Variants in SLC12A7 observed in about 807,000 individuals in gnomAD.
SLC12A7 encodes K-Cl cotransporter 4.
A neutral mutation model predicts 120.6 loss-of-function variants in SLC12A7; 100 were observed. The observed-to-expected ratio is 0.83, with a 90% confidence interval of 0.71 to 0.98. The LOEUF is 0.98. Among genes scored for constraint, SLC12A7 ranks in the 50% least tolerant of loss-of-function variants. SLC12A7 has a pLI of 0.00. For missense variants in SLC12A7, 1,373 were observed against 1,548.1 expected, an observed-to-expected ratio of 0.89 and a Z score of 1.90; for synonymous variants, 760 against 678.0, an observed-to-expected ratio of 1.12 and a Z score of -1.88.
At chr5:1,052,559 G>T in intron 23 of SLC12A7, 108 bp from the exon 24 acceptor site, 2 of 898,660 alleles carry the variant, frequency 2.2e-6, no homozygotes, top group South Asian at 1.5e-5. Context: ...GATTTGGTTT[G>T]AGAAACCCAG....
chr5:1,078,819 GGGGT>G, intron 10 of SLC12A7, 61 bp from the exon 11 acceptor site: 3 of 628,918 alleles, frequency 4.8e-6, no homozygotes, highest in East Asian at 2.8e-5. Flanking sequence ...TACGGGGGGT[GGGGT>G]GGGGTGGGGT....
Position 1,096,890 on chromosome 5 carries a change from AAAGGAGGGAGGGAGGAAGGGAGGGAAGG to A in SLC12A7, c.125-2670_125-2643del, listed in dbSNP as rs1561098686. 3.9e-5 allele frequency among the ~76,000 whole-genome samples: 4 copies of A among 102,782 alleles called. No individual in the cohort carries two copies. The South Asian group carries it at 1.7e-3, about 43-fold the overall frequency. The allele number at this position is 102,782 out of a possible 152,430, so 67.4% of individuals were successfully genotyped here. A position where few individuals can be genotyped will look rare whatever the true frequency, so the allele number is the denominator to read the frequency against. On this transcript the variant is annotated intron_variant, in intron 1 of 23. Transcript: ENST00000264930. ...GAAGGGAGGGAGGGAGGGAAGGAAG[AAAGGAGGGAGGGAGGAAGGGAGGGAAGG>A]AAGGAGGGAGGGAGGGAGAGACCCG...
intron 3 of SLC12A7, among the ~76,000 whole-genome samples, chr5:1,090,311 G>T (rs1473544379): frequency 1.3e-5 from 2 of 152,220 alleles, no homozygotes; most frequent in East Asian, 3.9e-4. Context: ...GAAAAATAAT[G>T]TAAGAGCAGC....
the SLC12A7 span, among the ~76,000 whole-genome samples, chr5:1,155,895 G>A: frequency 3.3e-5 from 5 of 151,454 alleles, no homozygotes; most frequent in African/African-American, 9.7e-5. Flanking sequence ...GGGGAGCGGG[G>A]ACCTGAGCGC....
rs73731141 is a variant in SLC12A7, at chr5:1,052,510, C to T, written c.3161-59G>A. 6,271 of 1,410,526 alleles carry T rather than the reference C, an allele frequency of 4.4e-3. 151 individuals carry two copies. In the African/African-American group the frequency reaches 0.066, roughly 15 times the overall value. 87.4% of individuals were successfully genotyped at this position (1,410,526 alleles called of 1,614,324 possible). A position where few individuals can be genotyped will look rare whatever the true frequency, so the allele number is the denominator to read the frequency against. ...TTACCTGAGCGTGTGTAGCTGAAAT[C>T]GTGATAGGAGTGAGGTTTATCCTCT... is the stretch of plus-strand genomic sequence containing the variant. On this transcript the variant is annotated intron_variant, in intron 23 of 23. Transcript: ENST00000264930.
chr5:1,114,979 C>T (rs79783624), upstream of SLC12A7, among the ~76,000 whole-genome samples: 1 of 152,206 alleles, frequency 6.6e-6, no homozygotes, highest in African/African-American at 2.4e-5. Context: ...GTGCCTCTCC[C>T]TCATTTGTCA....
chr5:1,110,062 C>A (rs77323839), intron 1 of SLC12A7, among the ~76,000 whole-genome samples: 15,445 of 152,310 alleles, frequency 0.1, 1,037 homozygotes, highest in Non-Finnish European at 0.15. Context: ...CACGGGACTC[C>A]TCGCCGCACC....
chr5:1,108,930 C>T (rs889204427), intron 1 of SLC12A7, among the ~76,000 whole-genome samples: 6 of 152,160 alleles, frequency 3.9e-5, no homozygotes, highest in East Asian at 3.9e-4. Flanking sequence ...CCTGGACAAC[C>T]GACACGAGCT....
intron 17 of SLC12A7, among the ~76,000 whole-genome samples, chr5:1,067,574 C>G (rs779400124): frequency 6.6e-6 from 1 of 152,252 alleles, no homozygotes; most frequent in Non-Finnish European, 1.5e-5. Flanking sequence ...TTGGATGCAG[C>G]CACTGGAGGG....
At chr5:1,122,317 C>G in the SLC12A7 span, among the ~76,000 whole-genome samples, 1 of 152,092 alleles carries the variant, frequency 6.6e-6, no homozygotes, top group African/African-American at 2.4e-5. Context: ...CACCAGAATC[C>G]GGGCAGTGGG....
upstream of SLC12A7, among the ~76,000 whole-genome samples, chr5:1,115,677 C>G (rs930697489): frequency 6.6e-6 from 1 of 152,114 alleles, no homozygotes; most frequent in South Asian, 2.1e-4. Flanking sequence ...TGGAGGAGGC[C>G]GGCCCTGGAG....
Position 1,074,602 on chromosome 5 carries a change from G to C in SLC12A7, c.2037C>G (p.Arg679=), listed in dbSNP as rs375225666. Residue 679 remains arginine, a synonymous_variant, in exon 16 of 24, where the codon CGC becomes CGG. Transcript: ENST00000264930. ...SLNAARYALL[R]VEHGPPHTKN... ...TGGTGTGGGGGGGACCGTGCTCCAC[G>C]CGCAGCAGGGCGTAGCGGGCGGCGT... 20 of 1,612,762 alleles carry C rather than the reference G, an allele frequency of 1.2e-5. No homozygotes were observed. The South Asian group carries it at 2.1e-4, about 17-fold the overall frequency.
At chr5:1,140,530 A>G in the SLC12A7 span, among the ~76,000 whole-genome samples, 19 of 152,066 alleles carry the variant, frequency 1.2e-4, no homozygotes, top group Non-Finnish European at 2.6e-4. Flanking sequence ...TCCCCTCCCC[A>G]CAGCTGTCCC....
chr5:1,064,104 G>C lies in SLC12A7; in HGVS notation c.2586C>G (p.Pro862=). 1.2e-6 allele frequency: 2 copies of C among 1,608,784 alleles called. No individual in the cohort carries two copies. The highest frequency in any genetic ancestry group is 1.7e-6 in the Non-Finnish European group (2 of 1,177,368). Reference sequence around the variant, plus strand: ...CCACCTTGTGCTGGCGCAGCAGGAAGGGCAGCAGCATGAGCATGCCGCCGT... The same window carrying C: ...CCACCTTGTGCTGGCGCAGCAGGAACGGCAGCAGCATGAGCATGCCGCCGT... ...VHDGGMLMLL[P]FLLRQHKVWR... The change falls in exon 19 of 24, where the codon CCC becomes CCG. Residue 862 remains proline, a synonymous_variant. Coordinates refer to ENST00000264930, the MANE Select transcript of SLC12A7 (RefSeq NM_006598.3).
chr5:1,105,084 A>G (rs1436706074), intron 1 of SLC12A7, among the ~76,000 whole-genome samples: 1 of 149,838 alleles, frequency 6.7e-6, no homozygotes, highest in African/African-American at 2.5e-5. Context: ...CGCAGGGATG[A>G]GGTCCTGCAG....
chr5:1,152,559 T>A, the SLC12A7 span, among the ~76,000 whole-genome samples: 1 of 123,838 alleles, frequency 8.1e-6, no homozygotes, highest in African/African-American at 3.3e-5. Context: ...ACCTCCCTGG[T>A]AAGGGAGATC....
the SLC12A7 span, among the ~76,000 whole-genome samples, chr5:1,126,344 C>T: frequency 1.3e-5 from 2 of 152,228 alleles, no homozygotes; most frequent in African/African-American, 4.8e-5. Context: ...TCGCCTCGGC[C>T]TCCCAAAGTG....
chr5:1,102,436 G>A (rs56997709), intron 1 of SLC12A7, among the ~76,000 whole-genome samples: 13,165 of 152,164 alleles, frequency 0.087, 831 homozygotes, highest in African/African-American at 0.17. Flanking sequence ...TTCCTCCCGC[G>A]TTTTGGGATT....
At chr5:1,110,665 G>T (rs1742929224) in intron 1 of SLC12A7, among the ~76,000 whole-genome samples, 1 of 152,244 alleles carries the variant, frequency 6.6e-6, no homozygotes, top group African/African-American at 2.4e-5. Context: ...GGTGCTTCCT[G>T]CCTCCACGGT....
Sources: gnomAD v4.1 joint callset for allele counts (sites outside exome capture counted in the v4.1 genomes callset) on GRCh38, gnomAD v4.1.1 for gene constraint, MANE v1.5 for transcripts, NCBI Gene and HGNC (gene_info 2026-07-23, HGNC 2026-07-21) for gene names.